AIM2: variants seen among roughly 807,000 people sequenced by gnomAD.
AIM2 encodes absent in melanoma 2.
In AIM2, 30 loss-of-function variants were observed where a neutral mutation model predicts 27.7. That is an observed-to-expected ratio of 1.08 (90% confidence interval 0.81 to 1.47). AIM2 has a LOEUF of 1.47. Ranked by LOEUF, AIM2 falls within the 40% of genes most tolerant of loss-of-function variation. AIM2 has a pLI of 0.00. For synonymous variants in AIM2, 141 were observed against 145.3 expected (o/e 0.97, Z 0.21); for missense variants, 358 against 411.3 (o/e 0.87, Z 1.12).
rs1647340900 is a variant in AIM2, at chr1:159,116,125, A to G, written c.-16+24306T>C. On this transcript the variant is annotated intron_variant, in intron 1 of 2. Transcript: ENST00000368129. ...CATCAGAGAAATGCAAATCAAAACC[A>G]CAATGAGATACCATCTCACACCTGT... 2.0e-5 allele frequency among the ~76,000 whole-genome samples: 3 copies of G among 151,652 alleles called. No homozygotes were observed. The South Asian group carries it at 6.2e-4, about 31-fold the overall frequency.
At chr1:159,077,583 G>T (rs968798214), upstream of AIM2, among the ~76,000 whole-genome samples, 2 of 152,198 alleles carry the variant, frequency 1.3e-5, no homozygotes, top group Non-Finnish European at 2.9e-5. Context: ...GTCACAGGCT[G>T]TTGTAACAGT....
intron 4 of AIM2, among the ~76,000 whole-genome samples, chr1:159,065,275 C>T (rs956272452): frequency 2.6e-5 from 4 of 152,108 alleles, no homozygotes; most frequent in African/African-American, 9.7e-5. Flanking sequence ...GGAGGAGCGC[C>T]TCTGCCCCGC....
chr1:159,062,757 C>A, intron 5 of AIM2, 39 bp from the exon 6 acceptor site: 2 of 1,596,152 alleles, frequency 1.3e-6, no homozygotes, highest in Non-Finnish European at 1.7e-6. Flanking sequence ...GAGATGCAGT[C>A]GATGAGTGGC....
intron 1 of AIM2, among the ~76,000 whole-genome samples, chr1:159,107,047 G>C (rs1657465749): frequency 6.6e-6 from 1 of 152,162 alleles, no homozygotes; most frequent in Admixed American, 6.5e-5. Flanking sequence ...AGACCTACCA[G>C]TCTTCCAAAC....
At position 159,073,249 on chromosome 1, in the gene AIM2, TC is replaced by T; in HGVS notation, c.250del (p.Glu84ArgfsTer12). 6.2e-7 allele frequency: 1 copy of T among 1,614,076 alleles called. No individual in the cohort carries two copies. Among genetic ancestry groups the T allele is most frequent in the Non-Finnish European group, 8.5e-7 (1 of 1,179,968 alleles). On this transcript the variant is annotated frameshift_variant, in exon 2 of 6. Transcript: ENST00000368130. LOFTEE classifies it high-confidence loss of function. ...YMLLAKRLQE[E>X]KEKVDKQYKS... The stretch of plus-strand genomic sequence containing the variant: ...AACTCCCACATTACCTTTCTCCTTC[TC>T]CTCCTGAAGACGTTTTGCCAAAAGC...
intron 5 of AIM2, 132 bp from the exon 6 acceptor site, chr1:159,062,850 A>G (rs1337988886): frequency 1.2e-6 from 1 of 847,538 alleles, no homozygotes; most frequent in Non-Finnish European, 1.9e-6. Context: ...CACCCTTCTA[A>G]TACATTGGTC....
At chr1:159,104,233 C>T (rs1173047848) in intron 1 of AIM2, among the ~76,000 whole-genome samples, 1 of 152,076 alleles carries the variant, frequency 6.6e-6, no homozygotes, top group Non-Finnish European at 1.5e-5. Context: ...GCCACGGTGA[C>T]AAGAGGGCTT....
chr1:159,099,667 A>T (rs901677442), intron 1 of AIM2, among the ~76,000 whole-genome samples: 1 of 152,182 alleles, frequency 6.6e-6, no homozygotes, highest in African/African-American at 2.4e-5. Flanking sequence ...CAAATTCCCC[A>T]GCTGGAATTG....
At chr1:159,059,927 C>T (rs1015072723), downstream of AIM2, among the ~76,000 whole-genome samples, 3 of 152,126 alleles carry the variant, frequency 2.0e-5, no homozygotes, top group Non-Finnish European at 4.4e-5. Flanking sequence ...GGACTCAAAT[C>T]AAGCAGATGA....
At chr1:159,124,127 A>C (rs1316135394) in intron 1 of AIM2, among the ~76,000 whole-genome samples, 1 of 152,124 alleles carries the variant, frequency 6.6e-6, no homozygotes, top group Non-Finnish European at 1.5e-5. Context: ...ATTCTTACCT[A>C]ATTATTAATG....
intron 2 of AIM2, 92 bp downstream of exon 2, chr1:159,073,146 G>A (rs1156374151): frequency 6.7e-7 from 1 of 1,493,152 alleles, no homozygotes; most frequent in Admixed American, 1.8e-5. Context: ...CCAACAATGT[G>A]CACTGGGGGT....
chr1:159,072,080 G>A (rs1026702090), intron 2 of AIM2, among the ~76,000 whole-genome samples: 3 of 152,204 alleles, frequency 2.0e-5, no homozygotes, highest in Non-Finnish European at 4.4e-5. Flanking sequence ...GCCTATGTTT[G>A]CCAATATGCC....
intron 1 of AIM2, among the ~76,000 whole-genome samples, chr1:159,083,374 T>A (rs1405431168): frequency 6.6e-6 from 1 of 152,186 alleles, no homozygotes; most frequent in African/African-American, 2.4e-5. Context: ...AAACTAGGAA[T>A]GTAGCAATAT....
chr1:159,138,259 T>C (rs1235432556), intron 1 of AIM2, among the ~76,000 whole-genome samples: 1 of 152,150 alleles, frequency 6.6e-6, no homozygotes, highest in African/African-American at 2.4e-5. Flanking sequence ...TCCCTCCCAC[T>C]CCACCACACT....
chr1:159,098,745 A>G (rs1657253716), intron 1 of AIM2, among the ~76,000 whole-genome samples: 1 of 152,246 alleles, frequency 6.6e-6, no homozygotes, highest in Non-Finnish European at 1.5e-5. Context: ...TTTAACAAAC[A>G]TCTTCTGAGC....
intron 1 of AIM2, among the ~76,000 whole-genome samples, chr1:159,116,162 T>C (rs1647342218): frequency 6.6e-6 from 1 of 150,870 alleles, no homozygotes; most frequent in African/African-American, 2.4e-5. Flanking sequence ...AGAATGGCAA[T>C]CACTAAAAAT....
At chr1:159,142,220 G>C (rs1648126817), upstream of AIM2, among the ~76,000 whole-genome samples, 1 of 152,194 alleles carries the variant, frequency 6.6e-6, no homozygotes, top group East Asian at 1.9e-4. Flanking sequence ...TGGCAGCTGA[G>C]TTCTAAGAGA....
rs1655873516 is a variant in AIM2, at chr1:159,062,557, C to T, written c.*135G>A. ...TTGTTTATCCAGCAATTATTCTATC[C>T]TAATTTGGTGGAGAGAGGAGCCTGT... On this transcript the variant is annotated 3_prime_UTR_variant, in exon 6 of 6. Coordinates refer to ENST00000368130, the MANE Select transcript of AIM2 (RefSeq NM_004833.3). The T allele has an allele frequency of 5.4e-6, 4 of 738,096 alleles. No homozygotes were observed. In the South Asian group the frequency reaches 6.8e-5, roughly 13 times the overall value. 45.7% of individuals were successfully genotyped at this position (738,096 alleles called of 1,614,324 possible).
At chr1:159,139,158 T>A (rs1396115897) in intron 1 of AIM2, among the ~76,000 whole-genome samples, 2 of 152,170 alleles carry the variant, frequency 1.3e-5, no homozygotes, top group African/African-American at 4.8e-5. Context: ...AGCTTCTAGT[T>A]CCCTTGAGTG....
Sources: gnomAD v4.1 joint callset for allele counts (sites outside exome capture counted in the v4.1 genomes callset) on GRCh38, gnomAD v4.1.1 for gene constraint, MANE v1.5 for transcripts, NCBI Gene and HGNC (gene_info 2026-07-23, HGNC 2026-07-21) for gene names.